Variants in POLR1C observed in about 807,000 individuals in gnomAD.
POLR1C encodes DNA-directed RNA polymerases I and III subunit RPAC1.
POLR1C carries 42 observed loss-of-function variants against 38.3 expected under a neutral mutation model. The observed-to-expected ratio is 1.10, with a 90% CI of 0.86 to 1.42. The LOEUF is 1.42. POLR1C is among the 40% of genes most tolerant of loss of function. POLR1C has a pLI of 0.00. For missense variants in POLR1C, 507 were observed against 450.5 expected (o/e 1.13, Z -1.14); for synonymous variants, 163 against 163.9 (o/e 0.99, Z 0.04).
downstream of POLR1C, chr6:43,522,516 A>G (rs566907079): frequency 4.5e-6 from 1 of 223,596 alleles, no homozygotes; most frequent in East Asian, 1.3e-4. Context: ...ATAGGCAGCT[A>G]TCAGGTTTGG....
intron 9 of POLR1C, chr6:43,547,812 TTTTATA>T (rs1351272044): frequency 7.2e-5 from 65 of 898,460 alleles, no homozygotes; most frequent in Non-Finnish European, 1.1e-4. Flanking sequence ...TAAGAGCAGT[TTTTATA>T]GTGAGAGGAG....
chr6:43,543,452 C>A (rs1794802806), intron 9 of POLR1C, among the ~76,000 whole-genome samples: 1 of 151,374 alleles, frequency 6.6e-6, no homozygotes, highest in Non-Finnish European at 1.5e-5. Context: ...GATCGTGCCT[C>A]AAAAGTAAGT....
At chr6:43,517,498 A>C in intron 2 of POLR1C, 121 bp downstream of exon 2, 2 of 844,634 alleles carry the variant, frequency 2.4e-6, no homozygotes, top group Non-Finnish European at 4.1e-6. Flanking sequence ...TTGTTGAGCA[A>C]TGTGCTAGAC....
At chr6:43,562,117 C>T (rs974193814) in exon 11 of POLR1C, 21 of 605,682 alleles carry the variant, frequency 3.5e-5, no homozygotes, top group Non-Finnish European at 5.2e-5. Flanking sequence ...TAGAATCATG[C>T]AATAACTTGT....
chr6:43,524,528 T>C, downstream of POLR1C: 1 of 1,613,984 alleles, frequency 6.2e-7, no homozygotes, highest in African/African-American at 1.3e-5. Flanking sequence ...TGTCAGCCAC[T>C]TTCTGCAGGG....
At chr6:43,527,583 C>T (rs1793680064) in intron 8 of POLR1C, 3 of 1,591,766 alleles carry the variant, frequency 1.9e-6, no homozygotes, top group Non-Finnish European at 2.6e-6. Context: ...GAGCGACCAG[C>T]TCTTCTTCCA....
intron 9 of POLR1C, among the ~76,000 whole-genome samples, chr6:43,543,415 T>C (rs547799115): frequency 6.6e-6 from 1 of 152,212 alleles, no homozygotes; most frequent in East Asian, 1.9e-4. Context: ...ATCGCAACAC[T>C]GCACCCCAAC....
chr6:43,520,024 C>CA (rs756279219), intron 4 of POLR1C, 42 bp from the exon 5 acceptor site: 5 of 1,611,062 alleles, frequency 3.1e-6, no homozygotes, highest in Non-Finnish European at 4.2e-6. Context: ...TGCTGGCACT[C>CA]AGACGTTTAC....
intron 9 of POLR1C, chr6:43,539,182 G>C (rs567261511): frequency 8.9e-7 from 1 of 1,121,078 alleles, no homozygotes; most frequent in Non-Finnish European, 1.3e-6. Flanking sequence ...GGGGCTTGCC[G>C]ATCTTGTTCC....
At chr6:43,552,151 G>A (rs189537963) in intron 10 of POLR1C, among the ~76,000 whole-genome samples, 211 of 152,224 alleles carry the variant, frequency 1.4e-3, no homozygotes, top group African/African-American at 4.9e-3. Context: ...TCCACCTCCT[G>A]GGTTCAAGTG....
downstream of POLR1C, chr6:43,530,933 AAG>A (rs1793932194): frequency 7.3e-7 from 1 of 1,376,224 alleles, no homozygotes. Flanking sequence ...TTTCAGCCAG[AAG>A]AGCAGTTGTA....
chr6:43,519,301 T>C (rs756646530), intron 2 of POLR1C, 32 bp from the exon 3 acceptor site: 1 of 1,313,594 alleles, frequency 7.6e-7, no homozygotes, highest in Non-Finnish European at 1.1e-6. Context: ...AGAGAGCAGA[T>C]TTCACTTAAA....
chr6:43,521,141 G>A, intron 8 of POLR1C, 41 bp from the exon 9 acceptor site: 3 of 1,611,136 alleles, frequency 1.9e-6, no homozygotes, highest in African/African-American at 1.3e-5. Flanking sequence ...AAGTTTTACA[G>A]GCAAGCCCTG....
At chr6:43,549,828 G>A in intron 9 of POLR1C, 2 of 1,479,060 alleles carry the variant, frequency 1.4e-6, no homozygotes, top group South Asian at 2.4e-5. Context: ...TATAAACTGA[G>A]TATCAGGTAT....
At position 43,517,387 on chromosome 6, in the gene POLR1C, G is replaced by T; in HGVS notation, c.141+10G>T. Reference sequence around the variant, plus strand: ...GGACCGCTTCGAGAAGGTAAGTGGGGCCGGAGTTGTCTGGGGAGGGTTATG... The same window carrying T: ...GGACCGCTTCGAGAAGGTAAGTGGGTCCGGAGTTGTCTGGGGAGGGTTATG... On this transcript the variant is annotated intron_variant, in intron 2 of 8. Transcript: ENST00000642195. The T allele has an allele frequency of 1.2e-6, 2 of 1,613,272 alleles. No homozygotes were observed. Among genetic ancestry groups the T allele is most frequent in the Non-Finnish European group, 1.7e-6 (2 of 1,179,298 alleles).
At chr6:43,546,885 C>T (rs924622500) in intron 9 of POLR1C, 37 of 883,642 alleles carry the variant, frequency 4.2e-5, no homozygotes, top group Non-Finnish European at 5.3e-5. Flanking sequence ...CTCTGCTCCC[C>T]GGCAATCCCC....
chr6:43,558,395 G>T, intron 10 of POLR1C: 1 of 987,148 alleles, frequency 1.0e-6, no homozygotes, highest in Non-Finnish European at 1.5e-6. Flanking sequence ...CTGCTATCCA[G>T]ATTTGGGGAT....
downstream of POLR1C, chr6:43,524,042 C>CCTCAGTAGTAGTTAA: frequency 6.2e-7 from 1 of 1,601,186 alleles, no homozygotes; most frequent in African/African-American, 1.3e-5. Context: ...AATGCTGGGC[C>CCTCAGTAGTAGTTAA]CTCAGTAGTA....
chr6:43,527,984 A>G (rs1793707473), intron 8 of POLR1C, among the ~76,000 whole-genome samples: 1 of 152,244 alleles, frequency 6.6e-6, no homozygotes, highest in South Asian at 2.1e-4. Context: ...TGGATCTCAG[A>G]GTCTGCCTGC....
Sources: allele counts gnomAD v4.1 joint callset (sites outside exome capture counted in the v4.1 genomes callset), GRCh38; gene constraint gnomAD v4.1.1; transcripts MANE v1.5; gene names NCBI Gene and HGNC (gene_info 2026-07-23, HGNC 2026-07-21).